The following SELENOI variants were observed in gnomAD, a reference collection of about 807,000 sequenced individuals.
SELENOI encodes ethanolaminephosphotransferase 1.
A neutral mutation model predicts 50.7 loss-of-function variants in SELENOI; 24 were observed. The ratio of observed to expected loss-of-function variants is 0.47; its 90% CI spans 0.34 to 0.67. The LOEUF is 0.67. Among genes scored for constraint, SELENOI ranks in the 30% least tolerant of loss-of-function variants. The pLI is 0.01. For synonymous variants in SELENOI, 155 were observed against 170.2 expected (o/e 0.91, Z 0.70); for missense variants, 352 against 461.4 (o/e 0.76, Z 2.17).
At chr2:26,375,176 T>C in intron 6 of SELENOI, 28 bp downstream of exon 6, 1 of 1,422,968 alleles carries the variant, frequency 7.0e-7, no homozygotes, top group Non-Finnish European at 9.8e-7. Context: ...GAAGCCTGTT[T>C]TAACCATCAC....
chr2:26,348,186 C>T (rs1354282385), intron 1 of SELENOI, among the ~76,000 whole-genome samples: 4 of 152,212 alleles, frequency 2.6e-5, no homozygotes, highest in South Asian at 4.1e-4. Flanking sequence ...TTTTTCTTAT[C>T]GTTGCGTTCC....
rs1320614436 is a variant in SELENOI, at chr2:26,375,278, T to C, written c.682+130T>C. Reference sequence around the variant, plus strand: ...CAGGAAGCAGAACAACCCTACAACCTTGTAGGATTTCAGCCTAACCATTAA... The same window carrying C: ...CAGGAAGCAGAACAACCCTACAACCCTGTAGGATTTCAGCCTAACCATTAA... On this transcript the variant is annotated intron_variant, in intron 6 of 9. Transcript: ENST00000260585. The C allele has an allele frequency of 5.4e-6, 3 of 557,928 alleles. No homozygotes were observed. In the East Asian group the frequency reaches 9.2e-5, roughly 17 times the overall value. 34.6% of individuals were successfully genotyped at this position (557,928 alleles called of 1,614,324 possible).
rs185484112 is a variant in SELENOI at position 26,363,568 on chromosome 2, G to A, written c.58-734G>A. Among the ~76,000 whole-genome samples the A allele has an allele frequency of 1.5e-4, 23 of 152,246 alleles. No homozygotes were observed. The East Asian group carries it at 4.0e-3, about 27-fold the overall frequency. On this transcript the variant is annotated intron_variant, in intron 1 of 9. Transcript: ENST00000260585. ...AGGATGAGTCAGTGATTATCTTGGC[G>A]ATTTGGACTCTGGTTGTATGTGCCA...
At chr2:26,388,892 T>C in intron 9 of SELENOI, 113 bp from the exon 10 acceptor site, 1 of 787,296 alleles carries the variant, frequency 1.3e-6, no homozygotes, top group Non-Finnish European at 2.1e-6. Flanking sequence ...TCAGTATTTC[T>C]CATGATTTTT....
chr2:26,363,773 A>G (rs574109519), intron 1 of SELENOI, among the ~76,000 whole-genome samples: 6 of 152,078 alleles, frequency 3.9e-5, no homozygotes, highest in African/African-American at 1.4e-4. Context: ...TATTATTATT[A>G]TTATTATTTT....
chr2:26,369,598 A>G (rs975853404), intron 4 of SELENOI, among the ~76,000 whole-genome samples: 2 of 152,054 alleles, frequency 1.3e-5, no homozygotes, highest in Admixed American at 6.5e-5. Flanking sequence ...AGGCCTACTA[A>G]TTAGTGTCCC....
chr2:26,371,884 G>A (rs1458918829), intron 4 of SELENOI, among the ~76,000 whole-genome samples: 9 of 150,844 alleles, frequency 6.0e-5, no homozygotes, highest in African/African-American at 2.2e-4. Context: ...GGGAGACCAT[G>A]GGGAGAGGGA....
At chr2:26,369,595 CTAAT>C (rs1677366289) in intron 4 of SELENOI, among the ~76,000 whole-genome samples, 1 of 152,174 alleles carries the variant, frequency 6.6e-6, no homozygotes. Context: ...CTCAGGCCTA[CTAAT>C]TAGTGTCCCT....
intron 7 of SELENOI, among the ~76,000 whole-genome samples, chr2:26,384,459 AC>A (rs1188008883): frequency 6.6e-6 from 1 of 151,840 alleles, no homozygotes; most frequent in African/African-American, 2.4e-5. Flanking sequence ...GTATTGTATA[AC>A]CTCCTGTGTG....
intron 1 of SELENOI, among the ~76,000 whole-genome samples, chr2:26,361,657 CT>C (rs756091085): frequency 0.025 from 3,635 of 142,834 alleles, 93 homozygotes; most frequent in African/African-American, 0.073. Flanking sequence ...ATCATCATTT[CT>C]TTTTTTTTTT....
At chr2:26,371,952 C>G (rs952802582) in intron 4 of SELENOI, among the ~76,000 whole-genome samples, 1 of 152,178 alleles carries the variant, frequency 6.6e-6, no homozygotes, top group Non-Finnish European at 1.5e-5. Flanking sequence ...TTCTTTATCT[C>G]TTATCAGCTG....
intron 1 of SELENOI, among the ~76,000 whole-genome samples, chr2:26,350,261 A>G (rs2147942686): frequency 6.6e-6 from 1 of 152,306 alleles, no homozygotes; most frequent in Non-Finnish European, 1.5e-5. Flanking sequence ...TAGAGGTGGT[A>G]AAGAGAGATT....
chr2:26,356,827 C>T (rs114169129), intron 1 of SELENOI, among the ~76,000 whole-genome samples: 12 of 152,148 alleles, frequency 7.9e-5, no homozygotes, highest in Middle Eastern at 3.4e-3. Context: ...TTTATATCAC[C>T]CTTCTTTATG....
intron 4 of SELENOI, among the ~76,000 whole-genome samples, chr2:26,372,443 C>T (rs1677478092): frequency 6.6e-6 from 1 of 152,096 alleles, no homozygotes; most frequent in African/African-American, 2.4e-5. Context: ...TCTCTGAGGG[C>T]ACAGTTTATT....
At position 26,373,614 on chromosome 2, in the gene SELENOI, T is replaced by G. The variant is rs1369239227; in HGVS notation, c.558T>G (p.Tyr186Ter). ...GGATTCTTTTCCTGCCATGGGGATA[T>G]GACATTAGCCAGGTGGTAAGTATGT... is the stretch of plus-strand genomic sequence containing the variant. ...NTGILFLPWG[Y>*]DISQVTISFV... The change falls in exon 5 of 10, where the codon TAT becomes TAG. Residue 186 changes from tyrosine (Y) to a stop codon, truncating the protein, a stop_gained. Coordinates refer to ENST00000260585, the MANE Select transcript of SELENOI (RefSeq NM_033505.4). LOFTEE classifies it high-confidence loss of function. 1.2e-6 allele frequency: 2 copies of G among 1,613,920 alleles called. No individual in the cohort carries two copies. Among genetic ancestry groups the G allele is most frequent in the Admixed American group, 3.3e-5 (2 of 60,008 alleles).
At chr2:26,378,202 C>T (rs1055194232) in intron 6 of SELENOI, among the ~76,000 whole-genome samples, 6 of 152,272 alleles carry the variant, frequency 3.9e-5, no homozygotes, top group Admixed American at 1.3e-4. Flanking sequence ...GTTTCCCCAT[C>T]TGAATCTTCG....
intron 6 of SELENOI, among the ~76,000 whole-genome samples, chr2:26,381,073 A>G (rs1273563221): frequency 6.6e-6 from 1 of 150,652 alleles, no homozygotes; most frequent in African/African-American, 2.4e-5. Context: ...ACTTTTCTTA[A>G]GGTACTTTTT....
chr2:26,354,349 ACT>A (rs1275062607), intron 1 of SELENOI, among the ~76,000 whole-genome samples: 3 of 151,588 alleles, frequency 2.0e-5, no homozygotes, highest in Non-Finnish European at 1.5e-5. Flanking sequence ...TGAAATATAA[ACT>A]CTGCCTTGTA....
At chr2:26,385,167 A>T in intron 8 of SELENOI, 28 bp downstream of exon 8, 1 of 1,324,012 alleles carries the variant, frequency 7.6e-7, no homozygotes, top group Non-Finnish European at 1.0e-6. Context: ...TAAAAATCAT[A>T]ATATATATTA....
Sources: gnomAD v4.1 joint callset for allele counts (sites outside exome capture counted in the v4.1 genomes callset) on GRCh38, gnomAD v4.1.1 for gene constraint, MANE v1.5 for transcripts, NCBI Gene and HGNC (gene_info 2026-07-23, HGNC 2026-07-21) for gene names.